The following MTHFS variants were observed in gnomAD, a reference collection of about 807,000 sequenced individuals.
MTHFS encodes the protein methenyltetrahydrofolate synthetase.
In MTHFS, 7 loss-of-function variants were observed where a neutral mutation model predicts 12.7. The ratio of observed to expected loss-of-function variants is 0.55; its 90% CI spans 0.31 to 1.03. The LOEUF (loss-of-function observed/expected upper bound fraction) is 1.03, where lower values mean the gene tolerates loss of function less well. Among genes scored for constraint, MTHFS ranks in the 50% least tolerant of loss-of-function variants. MTHFS has a pLI of 0.05. For synonymous variants in MTHFS, 100 were observed against 97.1 expected, an observed-to-expected ratio of 1.03 and a Z score of -0.18; for missense variants, 252 against 258.1, an observed-to-expected ratio of 0.98 and a Z score of 0.16.
chr15:79,854,398 G>A (rs968774213), intron 2 of MTHFS, among the ~76,000 whole-genome samples: 3 of 152,218 alleles, frequency 2.0e-5, no homozygotes, highest in South Asian at 2.1e-4. Flanking sequence ...CTGGAGTGTG[G>A]ATGTGCACTG....
chr15:79,894,732 T>C (rs146470928), intron 1 of MTHFS, among the ~76,000 whole-genome samples: 107 of 152,298 alleles, frequency 7.0e-4, no homozygotes, highest in African/African-American at 2.5e-3. Flanking sequence ...TAAACACCAT[T>C]ATACCAAGCT....
At chr15:79,884,564 G>A (rs2034350381) in intron 2 of MTHFS, among the ~76,000 whole-genome samples, 1 of 152,080 alleles carries the variant, frequency 6.6e-6, no homozygotes, top group Non-Finnish European at 1.5e-5. Context: ...TGTAGACTAA[G>A]AATTCCCCCA....
chr15:79,896,626 T>C lies in MTHFS; in HGVS notation c.117+246A>G, dbSNP rs2034574517. Among the ~76,000 whole-genome samples the C allele has an allele frequency of 2.0e-5, 3 of 152,254 alleles. No individual in the cohort carries two copies. The South Asian group carries it at 6.2e-4, about 32-fold the overall frequency. ...TCCCAGAGATAAATCTGTCAACCCC[T>C]GCCGTCCTCTCGCTCTTTAGCCCCA... is the stretch of plus-strand genomic sequence containing the variant. On this transcript the variant is annotated intron_variant, in intron 1 of 2. Transcript: ENST00000258874.
chr15:79,848,490 C>T (rs1374490447), intron 2 of MTHFS, among the ~76,000 whole-genome samples: 1 of 150,790 alleles, frequency 6.6e-6, no homozygotes, highest in Non-Finnish European at 1.5e-5. Flanking sequence ...GTAGATCTCA[C>T]ATTATATGTT....
Position 79,845,136 on chromosome 15 carries a change from G to C in MTHFS, c.*74C>G. 1.3e-6 allele frequency: 2 copies of C among 1,552,368 alleles called. No individual in the cohort carries two copies. Among genetic ancestry groups the C allele is most frequent in the Non-Finnish European group, 1.7e-6 (2 of 1,146,348 alleles). On this transcript the variant is annotated 3_prime_UTR_variant, in exon 3 of 3. Transcript: ENST00000258874. ...TAATGAACAATTTCAACTAATTTTT[G>C]ACAAGGGAAAAATACACATACTTTG... is the stretch of plus-strand genomic sequence containing the variant.
chr15:79,886,563 A>G (rs2034385867), intron 2 of MTHFS, among the ~76,000 whole-genome samples: 1 of 152,214 alleles, frequency 6.6e-6, no homozygotes, highest in African/African-American at 2.4e-5. Flanking sequence ...GAAAAAAAAA[A>G]TGAGCAACCA....
At chr15:79,858,180 A>G (rs760381124) in intron 2 of MTHFS, among the ~76,000 whole-genome samples, 41 of 152,188 alleles carry the variant, frequency 2.7e-4, no homozygotes, top group Non-Finnish European at 4.9e-4. Context: ...TACAGATAAC[A>G]CAGAGATAAG....
At chr15:79,896,129 G>A (rs1335154608) in intron 1 of MTHFS, among the ~76,000 whole-genome samples, 1 of 152,210 alleles carries the variant, frequency 6.6e-6, no homozygotes, top group Non-Finnish European at 1.5e-5. Context: ...CAACAAACAC[G>A]GACCCTCACT....
At chr15:79,865,131 A>G (rs1362287031) in intron 2 of MTHFS, among the ~76,000 whole-genome samples, 1 of 152,190 alleles carries the variant, frequency 6.6e-6, no homozygotes. Flanking sequence ...TGTAACTCCC[A>G]CTGTTTTTAC....
At chr15:79,862,409 A>G (rs2033932806) in intron 2 of MTHFS, among the ~76,000 whole-genome samples, 2 of 152,224 alleles carry the variant, frequency 1.3e-5, no homozygotes, top group Admixed American at 1.3e-4. Flanking sequence ...CTGAACATAC[A>G]GCTCAAAGTA....
At chr15:79,887,761 A>G (rs1465256749) in intron 2 of MTHFS, among the ~76,000 whole-genome samples, 1 of 152,188 alleles carries the variant, frequency 6.6e-6, no homozygotes, top group East Asian at 1.9e-4. Context: ...CCTTGAAAAT[A>G]TGAAAGAGTT....
chr15:79,866,563 G>A (rs1267866856), intron 2 of MTHFS, among the ~76,000 whole-genome samples: 1 of 152,178 alleles, frequency 6.6e-6, no homozygotes, highest in Non-Finnish European at 1.5e-5. Context: ...TCTTCAGCAG[G>A]CGAGACCCTG....
chr15:79,862,010 A>T (rs917851351), intron 2 of MTHFS, among the ~76,000 whole-genome samples: 3 of 152,088 alleles, frequency 2.0e-5, no homozygotes, highest in Admixed American at 6.5e-5. Context: ...TTACCATGTG[A>T]TTAGTTAGAT....
chr15:79,881,118 A>G (rs2141369864), intron 2 of MTHFS, among the ~76,000 whole-genome samples: 1 of 152,380 alleles, frequency 6.6e-6, no homozygotes, highest in East Asian at 1.9e-4. Flanking sequence ...ACACAAAAAC[A>G]TAGAAACCTA....
At chr15:79,895,736 CT>C (rs1358861269) in intron 1 of MTHFS, among the ~76,000 whole-genome samples, 2 of 152,154 alleles carry the variant, frequency 1.3e-5, no homozygotes, top group African/African-American at 4.8e-5. Context: ...AGCATATATG[CT>C]TTACTGCTTT....
In MTHFS at chr15:79,893,646, C is replaced by T. The variant is rs573462336; in HGVS notation, c.117+3226G>A. Among the ~76,000 whole-genome samples, 406 of 148,548 alleles carry T rather than the reference C, an allele frequency of 2.7e-3. 2 individuals carry two copies. Among genetic ancestry groups the T allele is most frequent in the Admixed American group, 8.0e-3 (118 of 14,774 alleles). On this transcript the variant is annotated intron_variant, in intron 1 of 2. Coordinates refer to ENST00000258874, the MANE Select transcript of MTHFS (RefSeq NM_006441.4). ...CCGGGAAGCAGAGCTTGCAGTAAGC[C>T]GAGATCACGCCACTGCATAACAGCC... is the stretch of plus-strand genomic sequence containing the variant.
intron 2 of MTHFS, among the ~76,000 whole-genome samples, chr15:79,858,559 T>C (rs1222647699): frequency 6.6e-6 from 1 of 152,146 alleles, no homozygotes; most frequent in Non-Finnish European, 1.5e-5. Context: ...GATCTTCAAA[T>C]CCCTTCCAAT....
chr15:79,855,753 T>G (rs1394935088), intron 2 of MTHFS, among the ~76,000 whole-genome samples: 1 of 152,160 alleles, frequency 6.6e-6, no homozygotes, highest in African/African-American at 2.4e-5. Context: ...CACTTATAAG[T>G]GAGAACACGC....
At chr15:79,889,394 T>C (rs1380664515) in intron 1 of MTHFS, 40 bp from the exon 2 acceptor site, 1 of 1,581,142 alleles carries the variant, frequency 6.3e-7, no homozygotes, top group Non-Finnish European at 8.6e-7. Flanking sequence ...TCCAAGACTA[T>C]ATTTAGCAAC....
Sources: gnomAD v4.1 joint callset for allele counts (sites outside exome capture counted in the v4.1 genomes callset) on GRCh38, gnomAD v4.1.1 for gene constraint, MANE v1.5 for transcripts, NCBI Gene and HGNC (gene_info 2026-07-23, HGNC 2026-07-21) for gene names.